The following TMEM132C variants were observed in gnomAD, a reference collection of about 807,000 sequenced individuals.
TMEM132C encodes transmembrane protein 132C.
A neutral mutation model predicts 61.4 loss-of-function variants in TMEM132C; 29 were observed. The ratio of observed to expected loss-of-function variants is 0.47; its 90% CI spans 0.35 to 0.64. The LOEUF (loss-of-function observed/expected upper bound fraction) is 0.64. Among genes scored for constraint, TMEM132C ranks in the 30% least tolerant of loss-of-function variants. TMEM132C has a pLI of 0.00. For synonymous variants in TMEM132C, 656 were observed against 633.1 expected (o/e 1.04, Z -0.54); for missense variants, 1,408 against 1,476.9 (o/e 0.95, Z 0.76).
chr12:128,480,521 G>A (rs545585975), intron 2 of TMEM132C, among the ~76,000 whole-genome samples: 9 of 152,312 alleles, frequency 5.9e-5, no homozygotes, highest in Middle Eastern at 3.4e-3. Context: ...CAGCCCATGC[G>A]GGAGCTGAGG....
chr12:128,432,524 A>T (rs560201167), intron 2 of TMEM132C, among the ~76,000 whole-genome samples: 16 of 152,364 alleles, frequency 1.1e-4, no homozygotes, highest in African/African-American at 3.8e-4. Context: ...AGAATTCACT[A>T]GAGGAAGTAC....
chr12:128,640,604 T>A (rs1954150256), intron 4 of TMEM132C, among the ~76,000 whole-genome samples: 1 of 152,196 alleles, frequency 6.6e-6, no homozygotes, highest in African/African-American at 2.4e-5. Flanking sequence ...TTATATATTT[T>A]AAATGAGTGA....
At position 128,705,596 on chromosome 12, in the gene TMEM132C, G is replaced by A. The variant is rs919856079; in HGVS notation, c.2628G>A (p.Gly876=). 1.1e-5 allele frequency: 17 copies of A among 1,551,022 alleles called. No homozygotes were observed. The highest frequency in any genetic ancestry group is 1.4e-5 in the African/African-American group (1 of 73,042). The change falls in exon 9 of 9, where the codon GGG becomes GGA. Residue 876 remains glycine (G), a synonymous_variant. Transcript: ENST00000435159. ...NKVVKNSRAD[G]GRLAGEGQLQ... ...TGGTGAAGAACAGTCGGGCAGACGG[G>A]GGCAGGCTGGCAGGAGAGGGGCAGC...
intron 2 of TMEM132C, among the ~76,000 whole-genome samples, chr12:128,476,851 A>G (rs1871170128): frequency 6.6e-6 from 1 of 152,224 alleles, no homozygotes; most frequent in Non-Finnish European, 1.5e-5. Flanking sequence ...TGCCTACTAT[A>G]TTCCCTAAGC....
In TMEM132C at chr12:128,610,528, G is replaced by A. The variant is rs1876596866; in HGVS notation, c.1122-5624G>A. 4.0e-5 allele frequency among the ~76,000 whole-genome samples: 6 copies of A among 150,164 alleles called. 1 individual carries two copies. Among genetic ancestry groups the A allele is most frequent in the East Asian group, 2.0e-4 (1 of 5,062 alleles). Reference sequence around the variant, plus strand: ...TTGAAAATTTAGTTCAAGAGTTACTGCAAGAAATCTACACTATTGATTTAT... The same window carrying A: ...TTGAAAATTTAGTTCAAGAGTTACTACAAGAAATCTACACTATTGATTTAT... On this transcript the variant is annotated intron_variant, in intron 3 of 8. Coordinates refer to ENST00000435159, the MANE Select transcript of TMEM132C (RefSeq NM_001136103.3).
intron 4 of TMEM132C, among the ~76,000 whole-genome samples, chr12:128,616,713 C>G (rs530059713): frequency 3.9e-5 from 6 of 152,264 alleles, no homozygotes; most frequent in African/African-American, 1.4e-4. Flanking sequence ...AGATAGATGC[C>G]CTTCATCTCC....
At chr12:128,387,812 G>T (rs1713606) in intron 1 of TMEM132C, among the ~76,000 whole-genome samples, 1 of 151,970 alleles carries the variant, frequency 6.6e-6, no homozygotes, top group East Asian at 1.9e-4. Context: ...TGTCTAAAAA[G>T]AAAGACAAAA....
chr12:128,489,293 T>C (rs192437248), intron 2 of TMEM132C, among the ~76,000 whole-genome samples: 1 of 151,974 alleles, frequency 6.6e-6, no homozygotes, highest in African/African-American at 2.4e-5. Flanking sequence ...GTGGTTTTTC[T>C]AACTCACCTT....
intron 2 of TMEM132C, among the ~76,000 whole-genome samples, chr12:128,433,317 A>T (rs1869460334): frequency 6.6e-6 from 1 of 152,202 alleles, no homozygotes; most frequent in South Asian, 2.1e-4. Flanking sequence ...GAACAGAACA[A>T]AAAGACGACT....
Position 128,410,683 on chromosome 12 carries a change from C to T in TMEM132C, c.86-4049C>T, listed in dbSNP as rs370269452. ...CCTCCCAAAGTGCTGGGATTACAGG[C>T]GTGAGCCACCGCGCCTGGCCCTGAA... On this transcript the variant is annotated intron_variant, in intron 1 of 8. Coordinates refer to ENST00000435159, the MANE Select transcript of TMEM132C (RefSeq NM_001136103.3). Among the ~76,000 whole-genome samples the T allele has an allele frequency of 1.3e-4, 20 of 152,190 alleles. No homozygotes were observed. In the East Asian group the frequency reaches 2.3e-3, roughly 18 times the overall value.
rs537916593 is a variant in TMEM132C, at chr12:128,596,088, A to G, written c.1122-20064A>G. On this transcript the variant is annotated intron_variant, in intron 3 of 8. Transcript: ENST00000435159. ...CTTTTGCAGGTCCTGGTACAGAGGC[A>G]GCAGGGCTTCACTGATCCCGTTTTC... Among the ~76,000 whole-genome samples the G allele has an allele frequency of 9.3e-3, 1,234 of 133,238 alleles. 15 individuals are homozygous for G. The highest frequency in any genetic ancestry group is 0.025 in the African/African-American group (879 of 35,726). 87.4% of individuals were successfully genotyped at this position (133,238 alleles called of 152,430 possible).
chr12:128,388,877 C>T (rs142550455), intron 1 of TMEM132C, among the ~76,000 whole-genome samples: 29 of 152,338 alleles, frequency 1.9e-4, no homozygotes, highest in Middle Eastern at 6.8e-3. Flanking sequence ...TGGTTTCACA[C>T]GTAGCTTGAG....
intron 1 of TMEM132C, among the ~76,000 whole-genome samples, chr12:128,285,637 T>TTC (rs140507851): frequency 0.22 from 29,400 of 131,916 alleles, 4,212 homozygotes; most frequent in East Asian, 0.42. Context: ...GACATATTCA[T>TTC]TCTCTCTCTC....
intron 3 of TMEM132C, among the ~76,000 whole-genome samples, chr12:128,558,563 C>G (rs1427607387): frequency 1.3e-5 from 2 of 152,248 alleles, no homozygotes; most frequent in Non-Finnish European, 2.9e-5. Flanking sequence ...CTTCATAAAT[C>G]ATAAGTCTCG....
At chr12:128,591,713 C>T (rs1875757664) in intron 3 of TMEM132C, among the ~76,000 whole-genome samples, 1 of 152,092 alleles carries the variant, frequency 6.6e-6, no homozygotes. Context: ...CACCAGCCTG[C>T]CCCATTTGTC....
At chr12:128,391,166 A>T (rs553215562) in intron 1 of TMEM132C, among the ~76,000 whole-genome samples, 280 of 152,350 alleles carry the variant, frequency 1.8e-3, no homozygotes, top group Non-Finnish European at 3.0e-3. Flanking sequence ...GCCATACAGT[A>T]TGCCACAGTT....
At chr12:128,487,523 C>T (rs1026760809) in intron 2 of TMEM132C, among the ~76,000 whole-genome samples, 1 of 151,452 alleles carries the variant, frequency 6.6e-6, no homozygotes, top group African/African-American at 2.4e-5. Context: ...CATATATACA[C>T]AAGCACACAC....
chr12:128,267,918 T>C (rs922306010), intron 1 of TMEM132C, among the ~76,000 whole-genome samples: 5 of 152,162 alleles, frequency 3.3e-5, no homozygotes, highest in Admixed American at 3.3e-4. Context: ...TGTCCACAGC[T>C]CCCCATCCAC....
At chr12:128,589,768 T>TC (rs56985140) in intron 3 of TMEM132C, among the ~76,000 whole-genome samples, 4 of 152,086 alleles carry the variant, frequency 2.6e-5, no homozygotes, top group African/African-American at 4.8e-5. Context: ...TCCTTTTTTT[T>TC]CCCCTCTTAT....
Sources: gnomAD v4.1 joint callset for allele counts (sites outside exome capture counted in the v4.1 genomes callset) on GRCh38, gnomAD v4.1.1 for gene constraint, MANE v1.5 for transcripts, NCBI Gene and HGNC (gene_info 2026-07-23, HGNC 2026-07-21) for gene names.